SIK3: variants seen among roughly 807,000 people sequenced by gnomAD.
SIK3 encodes the protein SIK family kinase 3.
SIK3 carries 28 observed loss-of-function variants against 144.2 expected under a neutral mutation model. The observed-to-expected ratio is 0.19, with a 90% CI of 0.14 to 0.27. The LOEUF (loss-of-function observed/expected upper bound fraction) is 0.27, where lower values mean the gene tolerates loss of function less well. Among genes scored for constraint, SIK3 ranks in the 10% least tolerant of loss-of-function variants. SIK3 has a pLI of 1.00. For synonymous variants in SIK3, 686 were observed against 676.3 expected (o/e 1.01, Z -0.22); for missense variants, 1,319 against 1,776.0 (o/e 0.74, Z 4.62).
chr11:117,031,256 T>C (rs1009211570), intron 1 of SIK3, among the ~76,000 whole-genome samples: 2 of 152,074 alleles, frequency 1.3e-5, no homozygotes, highest in African/African-American at 4.8e-5. Flanking sequence ...TTTTCTCCTG[T>C]TATTTTCTAA....
In SIK3 at chr11:116,858,002, C is replaced by T. The variant is rs1391896143; in HGVS notation, c.3463G>A (p.Gly1155Ser). ...EDCSCEGAKD[G>S]FQDSKSSSTL... ...CTTGAACTCTTACTGTCTTGGAAGC[C>T]ATCCTTGGCCCCCTCACACGAGCAG... The change falls in exon 21 of 25, where the codon GGC becomes AGC. Residue 1155 changes from glycine (G) to serine (S), a missense_variant. This residue lies in a region of SIK3 where 646 missense variants were observed against 763.7 expected (regional missense o/e 0.85). Transcript: ENST00000445177. The surrounding 1 kb of genome is among the most constrained non-coding windows in gnomAD (Gnocchi z 5.4). 6.2e-7 allele frequency: 1 copy of T among 1,614,148 alleles called. No individual in the cohort carries two copies. The highest frequency in any genetic ancestry group is 8.5e-7 in the Non-Finnish European group (1 of 1,179,996).
intron 1 of SIK3, among the ~76,000 whole-genome samples, chr11:116,984,596 G>A (rs1207836269): frequency 2.6e-5 from 4 of 152,102 alleles, no homozygotes; most frequent in Non-Finnish European, 4.4e-5. Flanking sequence ...TGGTTGTTTC[G>A]TGTACTGATT....
At chr11:116,862,037 C>T in intron 17 of SIK3, 111 bp from the exon 18 acceptor site, 1 of 1,258,984 alleles carries the variant, frequency 7.9e-7, no homozygotes, top group Middle Eastern at 2.5e-4. Flanking sequence ...CAGATTTATG[C>T]TTTTGTTGTT....
chr11:116,854,524 G>C (rs1440702368), intron 21 of SIK3, among the ~76,000 whole-genome samples: 1 of 152,178 alleles, frequency 6.6e-6, no homozygotes, highest in Non-Finnish European at 1.5e-5. Flanking sequence ...TCCCCTAGTA[G>C]AGTAGAAGCT....
At chr11:116,993,258 A>AT (rs1196807408) in intron 1 of SIK3, among the ~76,000 whole-genome samples, 4 of 152,186 alleles carry the variant, frequency 2.6e-5, no homozygotes. Context: ...GACACAACTG[A>AT]TTTTTTAAAA....
At chr11:116,882,437 C>A (rs140645255) in intron 6 of SIK3, among the ~76,000 whole-genome samples, 88 of 152,328 alleles carry the variant, frequency 5.8e-4, no homozygotes, top group African/African-American at 1.7e-3. Flanking sequence ...GATCATCAGA[C>A]TCTTCAGGCT....
intron 1 of SIK3, among the ~76,000 whole-genome samples, chr11:117,057,554 G>C (rs1325877277): frequency 6.6e-6 from 1 of 152,176 alleles, no homozygotes; most frequent in African/African-American, 2.4e-5. Context: ...TCCGTCCTAG[G>C]CCATGGAAAT....
At chr11:117,046,070 G>GT (rs1952949619) in intron 1 of SIK3, among the ~76,000 whole-genome samples, 1 of 152,198 alleles carries the variant, frequency 6.6e-6, no homozygotes, top group African/African-American at 2.4e-5. Context: ...TTCATTGGTG[G>GT]TAAGTGCAGT....
intron 1 of SIK3, among the ~76,000 whole-genome samples, chr11:117,052,644 T>C (rs1953312387): frequency 1.3e-5 from 2 of 152,242 alleles, no homozygotes; most frequent in South Asian, 4.1e-4. Context: ...ATAGCAGCCT[T>C]TGTGGCCTTG....
chr11:117,050,687 C>CA (rs976411847), intron 1 of SIK3, among the ~76,000 whole-genome samples: 126 of 150,234 alleles, frequency 8.4e-4, no homozygotes, highest in African/African-American at 2.6e-3. Context: ...GACTTCATCT[C>CA]AAAAAAAATA....
intron 1 of SIK3, among the ~76,000 whole-genome samples, chr11:117,094,788 G>A (rs1452067592): frequency 2.0e-5 from 3 of 150,372 alleles, no homozygotes; most frequent in Non-Finnish European, 4.4e-5. Context: ...AAAAAAAACA[G>A]AGCCAGAGAA....
intron 1 of SIK3, among the ~76,000 whole-genome samples, chr11:117,062,448 A>C (rs1256822486): frequency 1.3e-5 from 2 of 152,184 alleles, no homozygotes; most frequent in South Asian, 4.1e-4. Context: ...GTTCCAGTTT[A>C]GTTTCAACAA....
At chr11:116,892,231 C>G (rs1406269584) in intron 6 of SIK3, among the ~76,000 whole-genome samples, 1 of 151,998 alleles carries the variant, frequency 6.6e-6, no homozygotes, top group African/African-American at 2.4e-5. Context: ...ATGAAAAGAT[C>G]TAAAGGATGA....
chr11:116,947,598 C>A (rs1168756719), intron 3 of SIK3, among the ~76,000 whole-genome samples: 2 of 126,468 alleles, frequency 1.6e-5, no homozygotes, highest in Non-Finnish European at 3.5e-5. Context: ...CAGAGTCTTG[C>A]TCTTTTGTCC....
intron 1 of SIK3, among the ~76,000 whole-genome samples, chr11:116,995,931 T>C (rs1420063809): frequency 6.6e-6 from 1 of 152,108 alleles, no homozygotes; most frequent in Non-Finnish European, 1.5e-5. Context: ...GGGAGAATCA[T>C]TTGAGCCCAA....
rs775490759 is a variant in SIK3, at chr11:116,857,950, C to T, written c.3515G>A (p.Ser1172Asn). 1.2e-6 allele frequency: 2 copies of T among 1,614,264 alleles called. No homozygotes were observed. Among genetic ancestry groups the T allele is most frequent in the South Asian group, 2.2e-5 (2 of 91,088 alleles). Reference protein sequence around the residue: ...SSTLTKGCHDSPLLLSTGGPG... With the variant: ...SSTLTKGCHDNPLLLSTGGPG... ...TCCACCGGTACTCAAGAGCAGAGGG[C>T]TGTCATGGCAACCTTTGGTCAATGT... The change falls in exon 21 of 25, where the codon AGC (serine) becomes AAC (asparagine). Residue 1172 changes from serine (S) to asparagine (N), a missense_variant. Around this residue, in one of 8 missense-constraint regions of SIK3, gnomAD observed 646 missense variants for 763.7 expected, o/e 0.85. Coordinates refer to ENST00000445177, the MANE Select transcript of SIK3 (RefSeq NM_001366686.3).
intron 1 of SIK3, among the ~76,000 whole-genome samples, chr11:116,967,376 A>G (rs1265268187): frequency 6.6e-6 from 1 of 152,198 alleles, no homozygotes; most frequent in African/African-American, 2.4e-5. Context: ...AACTTCCCCT[A>G]TGGAGATTTA....
intron 1 of SIK3, among the ~76,000 whole-genome samples, chr11:117,042,917 CATT>C (rs1445162747): frequency 3.3e-5 from 5 of 152,184 alleles, no homozygotes; most frequent in Non-Finnish European, 7.3e-5. Flanking sequence ...TTTTGTATCT[CATT>C]AGCTGCCACA....
At chr11:117,090,241 G>A (rs2134072977) in intron 1 of SIK3, among the ~76,000 whole-genome samples, 1 of 152,164 alleles carries the variant, frequency 6.6e-6, no homozygotes, top group Middle Eastern at 3.4e-3. Flanking sequence ...TCCCAGAAAG[G>A]GACCAAGCTA....
Sources: gnomAD v4.1 joint callset for allele counts (sites outside exome capture counted in the v4.1 genomes callset) on GRCh38, gnomAD v4.1.1 for gene constraint, gnomAD v4.1.1 regional missense constraint, Gnocchi (gnomAD v3.1) non-coding constraint, MANE v1.5 for transcripts, NCBI Gene and HGNC (gene_info 2026-07-23, HGNC 2026-07-21) for gene names.